The following DTD1 variants were observed in gnomAD, a reference collection of about 807,000 sequenced individuals.
The protein encoded by DTD1 is D-aminoacyl-tRNA deacylase 1.
Under a neutral mutation model 25.6 loss-of-function variants are expected in DTD1, and 13 were observed. The observed-to-expected ratio is 0.51, with a 90% CI of 0.33 to 0.81. DTD1 has a LOEUF of 0.81. Ranked by LOEUF, DTD1 falls within the 30% of genes least tolerant of loss-of-function variation. The pLI is 0.02. For missense variants in DTD1, 193 were observed against 266.4 expected (o/e 0.72, Z 1.92); for synonymous variants, 110 against 103.6 (o/e 1.06, Z -0.37).
At chr20:18,685,431 TTGGAC>T (rs2061012742) in intron 4 of DTD1, among the ~76,000 whole-genome samples, 2 of 151,986 alleles carry the variant, frequency 1.3e-5, no homozygotes, top group Non-Finnish European at 2.9e-5. Context: ...GCTTTCTGCC[TTGGAC>T]CTGTGGCCAT....
intron 4 of DTD1, among the ~76,000 whole-genome samples, chr20:18,706,632 A>C (rs2061127489): frequency 6.6e-6 from 1 of 152,178 alleles, no homozygotes. Flanking sequence ...GTGATGTAGA[A>C]AGTTGCCTCT....
At chr20:18,651,393 T>C (rs1010784410) in intron 4 of DTD1, among the ~76,000 whole-genome samples, 2 of 152,224 alleles carry the variant, frequency 1.3e-5, no homozygotes, top group African/African-American at 4.8e-5. Context: ...TCAGGCAATC[T>C]GCCCGTCTCC....
At position 18,606,786 on chromosome 20, in the gene DTD1, G is replaced by C. The variant is rs1410178810; in HGVS notation, c.370+10545G>C. Among the ~76,000 whole-genome samples, 57 of 129,570 alleles carry C rather than the reference G, an allele frequency of 4.4e-4. 1 individual carries two copies. The highest frequency in any genetic ancestry group is 4.8e-4 in the Admixed American group (6 of 12,568). 85.0% of individuals were successfully genotyped at this position (129,570 alleles called of 152,430 possible). The stretch of plus-strand genomic sequence containing the variant: ...CACTCTGGGGACTGTGGTGGGGGGG[G>C]GGAGGGGGGAGGGATAGCATTGGAA... On this transcript the variant is annotated intron_variant, in intron 3 of 5. Transcript: ENST00000377452.
At chr20:18,595,322 A>G (rs1396906130) in intron 2 of DTD1, among the ~76,000 whole-genome samples, 1 of 151,782 alleles carries the variant, frequency 6.6e-6, no homozygotes, top group Non-Finnish European at 1.5e-5. Context: ...GCTGGAGTGC[A>G]GTGGTGCAAT....
At chr20:18,617,316 A>C (rs957715357) in intron 3 of DTD1, among the ~76,000 whole-genome samples, 6 of 148,582 alleles carry the variant, frequency 4.0e-5, no homozygotes, top group Admixed American at 2.7e-4. Flanking sequence ...TTCAGAAAAA[A>C]ATTATATATA....
chr20:18,593,964 G>A (rs566042035), intron 2 of DTD1, 143 bp downstream of exon 2: 15 of 678,878 alleles, frequency 2.2e-5, no homozygotes, highest in South Asian at 8.3e-5. Context: ...GGTTATCTCC[G>A]TGTTTCAGAG....
intron 4 of DTD1, among the ~76,000 whole-genome samples, chr20:18,728,897 G>A (rs1356451996): frequency 6.6e-6 from 1 of 152,228 alleles, no homozygotes; most frequent in Non-Finnish European, 1.5e-5. Context: ...TTCCTCCCAG[G>A]AGTGACAATT....
Position 18,593,800 on chromosome 20 carries a change from C to A in DTD1, c.113C>A (p.Thr38Lys), listed in dbSNP as rs868148836. The A allele has an allele frequency of 6.2e-7, 1 of 1,613,548 alleles. No homozygotes were observed. The highest frequency in any genetic ancestry group is 8.5e-7 in the Non-Finnish European group (1 of 1,179,632). The change falls in exon 2 of 6, where the codon ACG becomes AAG. Residue 38 changes from threonine (T) to lysine (K), a missense_variant. By Grantham distance (78) the Thr-to-Lys change is moderately conservative. Coordinates refer to ENST00000377452, the MANE Select transcript of DTD1 (RefSeq NM_080820.6). ...TTGCTGGGTATTTCCCTGGAGGATA[C>A]GCAGAAGGAACTGGAACACATGTAA... ...CVLLGISLED[T>K]QKELEHMVRK...
rs543820707 is a variant in DTD1 at position 18,660,699 on chromosome 20, C to A, written c.477+32466C>A. On this transcript the variant is annotated intron_variant, in intron 4 of 5. Transcript: ENST00000377452. ...TGAAATATAAAATATTAAATAAATC[C>A]AGGGGATATATTTTGACTAGATAAA... 2.6e-5 allele frequency among the ~76,000 whole-genome samples: 4 copies of A among 151,998 alleles called. No homozygotes were observed. In the South Asian group the frequency reaches 8.3e-4, roughly 32 times the overall value.
rs567275764 is a variant in DTD1, at chr20:18,652,418, A to G, written c.477+24185A>G. 4.6e-5 allele frequency among the ~76,000 whole-genome samples: 7 copies of G among 152,362 alleles called. No individual in the cohort carries two copies. In the South Asian group the frequency reaches 1.4e-3, roughly 32 times the overall value. On this transcript the variant is annotated intron_variant, in intron 4 of 5. Coordinates refer to ENST00000377452, the MANE Select transcript of DTD1 (RefSeq NM_080820.6). ...AGTCACAATCTTGGACAACATTTTT[A>G]CTTTCTGGTGCGTACTTGGCTCCTA...
intron 4 of DTD1, among the ~76,000 whole-genome samples, chr20:18,655,354 T>G (rs1477040988): frequency 6.6e-6 from 1 of 152,244 alleles, no homozygotes; most frequent in African/African-American, 2.4e-5. Context: ...GGCCAGTTGC[T>G]TTATCTGTAT....
At chr20:18,726,094 A>G (rs6132107) in intron 4 of DTD1, among the ~76,000 whole-genome samples, 21,915 of 152,222 alleles carry the variant, frequency 0.14, 1,691 homozygotes, top group Admixed American at 0.2. Flanking sequence ...ATTATCCTCA[A>G]GTTCACTTGT....
chr20:18,739,182 C>T (rs868128), intron 4 of DTD1, among the ~76,000 whole-genome samples: 47,667 of 152,126 alleles, frequency 0.31, 8,007 homozygotes, highest in Non-Finnish European at 0.38. Context: ...TGGCTGGTCT[C>T]TCAAGGCATT....
At chr20:18,633,134 G>A (rs2060795165) in intron 4 of DTD1, among the ~76,000 whole-genome samples, 1 of 152,240 alleles carries the variant, frequency 6.6e-6, no homozygotes, top group South Asian at 2.1e-4. Flanking sequence ...CCTTCCAAGT[G>A]CATTTTGCTG....
At chr20:18,596,839 C>T (rs1169976402) in intron 3 of DTD1, among the ~76,000 whole-genome samples, 1 of 151,762 alleles carries the variant, frequency 6.6e-6, no homozygotes, top group East Asian at 1.9e-4. Context: ...CCCCCGCATG[C>T]ATAGGCTCAC....
rs1056411110 is a variant in DTD1, at chr20:18,611,388, G to C, written c.370+15147G>C. Among the ~76,000 whole-genome samples the C allele has an allele frequency of 7.9e-5, 12 of 152,224 alleles. No individual in the cohort carries two copies. The East Asian group carries it at 1.7e-3, about 22-fold the overall frequency. On this transcript the variant is annotated intron_variant, in intron 3 of 5. Coordinates refer to ENST00000377452, the MANE Select transcript of DTD1 (RefSeq NM_080820.6). ...TATGAAAAGGCTCTGTGAGCCCAAG[G>C]GATGTTGGAATGCAGATGAAATGCT...
intron 4 of DTD1, among the ~76,000 whole-genome samples, chr20:18,641,368 T>G (rs560267785): frequency 6.6e-6 from 1 of 152,366 alleles, no homozygotes; most frequent in African/African-American, 2.4e-5. Context: ...TAGGTACAGG[T>G]TGTGGATCAT....
chr20:18,701,439 A>T (rs546382984), intron 4 of DTD1, among the ~76,000 whole-genome samples: 1 of 152,378 alleles, frequency 6.6e-6, no homozygotes, highest in East Asian at 1.9e-4. Flanking sequence ...GACCCTGGCC[A>T]TATGTTTTGA....
At chr20:18,631,690 G>A in intron 4 of DTD1, 1 of 985,372 alleles carries the variant, frequency 1.0e-6, no homozygotes, top group Non-Finnish European at 1.2e-6. Flanking sequence ...CTGGAGCCTT[G>A]TTTCCCAGGA....
Sources: gnomAD v4.1 joint callset for allele counts (sites outside exome capture counted in the v4.1 genomes callset) on GRCh38, gnomAD v4.1.1 for gene constraint, MANE v1.5 for transcripts, NCBI Gene and HGNC (gene_info 2026-07-23, HGNC 2026-07-21) for gene names.